The following RIMS2 variants were observed in gnomAD, a reference collection of about 807,000 sequenced individuals.
The protein encoded by RIMS2 is regulating synaptic membrane exocytosis 2, also known as regulating synaptic membrane exocytosis protein 2.
RIMS2 carries 59 observed loss-of-function variants against 174.4 expected under a neutral mutation model. That is an observed-to-expected ratio of 0.34 (90% CI 0.27 to 0.42). The LOEUF (loss-of-function observed/expected upper bound fraction) is 0.42. RIMS2 is among the 10% of genes least tolerant of loss of function. The probability of loss-of-function intolerance (pLI) is 1.00; values close to 1 mark genes in which losing one functional copy is unlikely to be tolerated. For missense variants in RIMS2, 1,620 were observed against 1,666.3 expected (o/e 0.97, Z 0.48); for synonymous variants, 606 against 572.5 (o/e 1.06, Z -0.84).
chr8:104,078,743 G>A (rs1033938580), intron 19 of RIMS2, among the ~76,000 whole-genome samples: 10 of 152,098 alleles, frequency 6.6e-5, no homozygotes, highest in African/African-American at 1.9e-4. Flanking sequence ...GGATTTTTAG[G>A]CAACTAACCG....
At chr8:103,890,282 TG>T (rs2099235874) in intron 4 of RIMS2, among the ~76,000 whole-genome samples, 1 of 151,972 alleles carries the variant, frequency 6.6e-6, no homozygotes, top group African/African-American at 2.4e-5. Flanking sequence ...ATGCTTAACT[TG>T]TTGAGATGTA....
At chr8:103,707,755 C>T (rs942171764) in intron 2 of RIMS2, among the ~76,000 whole-genome samples, 3 of 152,216 alleles carry the variant, frequency 2.0e-5, no homozygotes, top group African/African-American at 7.2e-5. Context: ...CCCAAGGACC[C>T]TGGCCACTAT....
chr8:103,588,511 G>C (rs1695368247), intron 1 of RIMS2, among the ~76,000 whole-genome samples: 1 of 151,610 alleles, frequency 6.6e-6, no homozygotes. Flanking sequence ...TCAAATTATA[G>C]TATACAGATA....
At chr8:103,880,739 A>G (rs1334005025) in intron 3 of RIMS2, 2 of 453,344 alleles carry the variant, frequency 4.4e-6, no homozygotes, top group Non-Finnish European at 7.9e-6. Flanking sequence ...GTAAAAATTT[A>G]TATATTTTTG....
intron 2 of RIMS2, among the ~76,000 whole-genome samples, chr8:103,757,915 C>T (rs2098047623): frequency 6.6e-6 from 1 of 152,186 alleles, no homozygotes; most frequent in Admixed American, 6.5e-5. Context: ...CTGGTTTTCC[C>T]TAGAGCCTTC....
chr8:104,208,302 T>C (rs1007838159), intron 19 of RIMS2, among the ~76,000 whole-genome samples: 1 of 152,090 alleles, frequency 6.6e-6, no homozygotes, highest in Non-Finnish European at 1.5e-5. Flanking sequence ...GCACAGTGGC[T>C]CACACCTGTA....
intron 1 of RIMS2, among the ~76,000 whole-genome samples, chr8:103,532,198 C>T (rs776104217): frequency 6.6e-5 from 10 of 152,160 alleles, no homozygotes; most frequent in Non-Finnish European, 1.3e-4. Context: ...TCCATTCAAA[C>T]CTACTTCCCA....
chr8:104,008,242 T>G (rs2095651717), intron 17 of RIMS2, among the ~76,000 whole-genome samples: 1 of 152,120 alleles, frequency 6.6e-6, no homozygotes, highest in Non-Finnish European at 1.5e-5. Context: ...AAACATTCAC[T>G]GAATATGGGA....
intron 3 of RIMS2, among the ~76,000 whole-genome samples, chr8:103,769,737 C>T (rs1338928794): frequency 6.6e-6 from 1 of 152,182 alleles, no homozygotes; most frequent in Admixed American, 6.5e-5. Flanking sequence ...TGAAATTGAC[C>T]TATTGTGGGG....
chr8:103,976,556 T>TTTTTTC (rs2093454424), intron 16 of RIMS2: 1 of 146,844 alleles, frequency 6.8e-6, no homozygotes, highest in Non-Finnish European at 1.5e-5. Flanking sequence ...TTCTTTTTTT[T>TTTTTTC]TTTTTTTTTT....
At position 103,936,546 on chromosome 8, in the gene RIMS2, C is replaced by A; in HGVS notation, c.2376-5C>A. The A allele has an allele frequency of 1.3e-6, 2 of 1,516,258 alleles. No individual in the cohort carries two copies. The highest frequency in any genetic ancestry group is 1.8e-6 in the Non-Finnish European group (2 of 1,125,464). The allele number at this position is 1,516,258 out of a possible 1,614,324, so 93.9% of individuals were successfully genotyped here. On this transcript the variant is annotated splice_polypyrimidine_tract_variant and splice_region_variant and intron_variant, in intron 12 of 23. Coordinates refer to ENST00000504942, the Ensembl canonical transcript of RIMS2. Reference sequence around the variant, plus strand: ...AAGTTCATAATTCATTGTTTTTTTCCATAGTGATAAAAACAAGAGAAGAAC... The same window carrying A: ...AAGTTCATAATTCATTGTTTTTTTCAATAGTGATAAAAACAAGAGAAGAAC...
intron 19 of RIMS2, among the ~76,000 whole-genome samples, chr8:104,189,600 T>A (rs962765286): frequency 3.6e-5 from 5 of 140,526 alleles, no homozygotes; most frequent in East Asian, 4.1e-4. Context: ...ATATATATAT[T>A]TATGTAAATA....
intron 1 of RIMS2, among the ~76,000 whole-genome samples, chr8:103,591,240 T>G (rs2094241274): frequency 6.6e-6 from 1 of 151,124 alleles, no homozygotes; most frequent in South Asian, 2.1e-4. Context: ...GTTTTGCTCA[T>G]TTTTAGTATT....
At chr8:103,697,115 A>G in exon 2 of RIMS2, 1 of 1,613,580 alleles carries the variant, frequency 6.2e-7, no homozygotes, top group East Asian at 2.2e-5. Flanking sequence ...GAAATGTATA[A>G]AGAGCAGGTA....
intron 19 of RIMS2, among the ~76,000 whole-genome samples, chr8:104,224,816 G>A (rs1216839598): frequency 1.3e-5 from 2 of 152,162 alleles, no homozygotes; most frequent in Admixed American, 1.3e-4. Flanking sequence ...GTAGAAGATG[G>A]AGGATTGGTA....
chr8:103,797,095 G>A (rs2098555108), intron 3 of RIMS2, among the ~76,000 whole-genome samples: 1 of 152,132 alleles, frequency 6.6e-6, no homozygotes, highest in Admixed American at 6.5e-5. Flanking sequence ...GATATCTGAG[G>A]GAAGAGCACT....
chr8:103,586,639 A>G (rs981964304), intron 1 of RIMS2, among the ~76,000 whole-genome samples: 3 of 152,140 alleles, frequency 2.0e-5, no homozygotes, highest in African/African-American at 7.2e-5. Flanking sequence ...ATCAAAAAAT[A>G]GGAAGAACTT....
intron 2 of RIMS2, among the ~76,000 whole-genome samples, chr8:103,754,570 C>T (rs931839500): frequency 5.9e-5 from 9 of 152,078 alleles, no homozygotes; most frequent in Non-Finnish European, 1.2e-4. Context: ...GTCTAAGTCT[C>T]TTTGTAGGTC....
chr8:103,880,937 G>GTAAT (rs2099164310), intron 3 of RIMS2, among the ~76,000 whole-genome samples: 1 of 151,266 alleles, frequency 6.6e-6, no homozygotes, highest in Admixed American at 6.6e-5. Context: ...TTAGCATTGT[G>GTAAT]TAATTGTATT....
Sources: allele counts gnomAD v4.1 joint callset (sites outside exome capture counted in the v4.1 genomes callset), GRCh38; gene constraint gnomAD v4.1.1; transcripts MANE v1.5; gene names NCBI Gene and HGNC (gene_info 2026-07-23, HGNC 2026-07-21).